GALNTL6: variants seen among roughly 807,000 people sequenced by gnomAD.
GALNTL6 encodes the protein polypeptide N-acetylgalactosaminyltransferase like 6, also known as polypeptide N-acetylgalactosaminyltransferase-like 6.
In GALNTL6, 46 loss-of-function variants were observed where a neutral mutation model predicts 73.7. The observed-to-expected ratio is 0.62, with a 90% confidence interval of 0.49 to 0.80. GALNTL6 has a LOEUF of 0.80. Among genes scored for constraint, GALNTL6 ranks in the 30% least tolerant of loss-of-function variants. The probability of loss-of-function intolerance (pLI) is 0.00; values close to 1 mark genes in which losing one functional copy is unlikely to be tolerated. For synonymous variants in GALNTL6, 259 were observed against 263.7 expected (o/e 0.98, Z 0.17); for missense variants, 604 against 755.0 (o/e 0.80, Z 2.34).
chr4:172,978,218 G>C (rs374738411), intron 10 of GALNTL6, among the ~76,000 whole-genome samples: 33 of 152,262 alleles, frequency 2.2e-4, no homozygotes, highest in African/African-American at 7.5e-4. Flanking sequence ...ACTGGATATA[G>C]CTTTGCTTGA....
intron 8 of GALNTL6, among the ~76,000 whole-genome samples, chr4:172,930,523 A>G (rs1748277485): frequency 6.6e-6 from 1 of 152,222 alleles, no homozygotes; most frequent in African/African-American, 2.4e-5. Context: ...ATTTCTTCAA[A>G]TGATTTTACA....
At chr4:172,084,422 A>G (rs1731967765) in intron 2 of GALNTL6, among the ~76,000 whole-genome samples, 2 of 152,200 alleles carry the variant, frequency 1.3e-5, no homozygotes, top group South Asian at 2.1e-4. Context: ...AACGATGACC[A>G]TATTATGACC....
At chr4:172,561,775 T>G (rs898392249) in intron 5 of GALNTL6, among the ~76,000 whole-genome samples, 6 of 152,190 alleles carry the variant, frequency 3.9e-5, no homozygotes, top group African/African-American at 1.4e-4. Context: ...CACAATCTCT[T>G]GAGGTGAGAC....
intron 2 of GALNTL6, among the ~76,000 whole-genome samples, chr4:172,075,922 G>A (rs1371087739): frequency 6.6e-6 from 1 of 152,172 alleles, no homozygotes; most frequent in Non-Finnish European, 1.5e-5. Flanking sequence ...CCTTAAATTT[G>A]TGAGATAGTT....
At chr4:172,951,874 C>A (rs1453272651) in intron 9 of GALNTL6, among the ~76,000 whole-genome samples, 163 bp from the exon 10 acceptor site, 1 of 152,212 alleles carries the variant, frequency 6.6e-6, no homozygotes, top group Non-Finnish European at 1.5e-5. Flanking sequence ...TTATATCATA[C>A]CCCTTGCTGT....
chr4:172,081,023 A>T (rs56384225), intron 2 of GALNTL6, among the ~76,000 whole-genome samples: 1 of 152,150 alleles, frequency 6.6e-6, no homozygotes, highest in African/African-American at 2.4e-5. Flanking sequence ...TCCATTTCTC[A>T]TAACCTATTT....
intron 10 of GALNTL6, among the ~76,000 whole-genome samples, chr4:173,002,811 A>G (rs1428952012): frequency 6.6e-6 from 1 of 152,060 alleles, no homozygotes; most frequent in East Asian, 1.9e-4. Flanking sequence ...AAAAAAAAAA[A>G]AAGAATATTG....
chr4:172,665,837 C>T (rs1176109545), intron 5 of GALNTL6, among the ~76,000 whole-genome samples: 1 of 152,068 alleles, frequency 6.6e-6, no homozygotes, highest in Non-Finnish European at 1.5e-5. Flanking sequence ...TATTTTTTTA[C>T]AAACATTTGA....
intron 2 of GALNTL6, among the ~76,000 whole-genome samples, chr4:172,076,278 C>T (rs1363702841): frequency 6.6e-6 from 1 of 152,058 alleles, no homozygotes; most frequent in Non-Finnish European, 1.5e-5. Context: ...TCTCTTTTCA[C>T]AGAATGCAAT....
chr4:171,860,465 C>T (rs1045308796), intron 2 of GALNTL6, among the ~76,000 whole-genome samples: 2 of 152,140 alleles, frequency 1.3e-5, no homozygotes, highest in Non-Finnish European at 2.9e-5. Flanking sequence ...ACCCTGACAA[C>T]CTGGCTTTAA....
chr4:172,969,562 A>T (rs1193615878), intron 10 of GALNTL6, among the ~76,000 whole-genome samples: 2 of 152,252 alleles, frequency 1.3e-5, no homozygotes, highest in African/African-American at 2.4e-5. Context: ...CAAGAAAAAA[A>T]ATAGCATCCA....
chr4:172,660,725 T>G (rs1360941236), intron 5 of GALNTL6, among the ~76,000 whole-genome samples: 4 of 152,124 alleles, frequency 2.6e-5, no homozygotes, highest in Non-Finnish European at 5.9e-5. Context: ...TTTGCTCAAG[T>G]ATGTCGTCAG....
chr4:172,836,257 G>A lies in GALNTL6; in HGVS notation c.923+22534G>A, dbSNP rs570431678. Among the ~76,000 whole-genome samples, 3 of 152,336 alleles carry A rather than the reference G, an allele frequency of 2.0e-5. No individual in the cohort carries two copies. In the South Asian group the frequency reaches 6.2e-4, roughly 32 times the overall value. ...AAACACCTGAAATGTATGTTACTGTGATAAGTTTTCCCACCTGAAGAAAAC... is the reference window on the plus strand; with the variant it reads ...AAACACCTGAAATGTATGTTACTGTAATAAGTTTTCCCACCTGAAGAAAAC... On this transcript the variant is annotated intron_variant, in intron 7 of 12. Coordinates refer to ENST00000506823, the MANE Select transcript of GALNTL6 (RefSeq NM_001034845.3).
chr4:173,009,023 T>G (rs565453544), intron 10 of GALNTL6, among the ~76,000 whole-genome samples, 155 bp from the exon 11 acceptor site: 1 of 152,262 alleles, frequency 6.6e-6, no homozygotes, highest in African/African-American at 2.4e-5. Flanking sequence ...TCCTTGATTT[T>G]TCTCCATAAA....
intron 5 of GALNTL6, among the ~76,000 whole-genome samples, chr4:172,713,380 G>A (rs34809089): frequency 0.32 from 47,756 of 151,574 alleles, 8,182 homozygotes; most frequent in Middle Eastern, 0.47. Flanking sequence ...TGAAAGAGCC[G>A]ATGTTGTGGT....
chr4:172,079,434 T>G (rs572763265), intron 2 of GALNTL6, among the ~76,000 whole-genome samples: 2 of 152,116 alleles, frequency 1.3e-5, no homozygotes, highest in Non-Finnish European at 2.9e-5. Context: ...CTTTGATTAA[T>G]TGACTATTTT....
chr4:172,032,511 A>C (rs1364354242), intron 2 of GALNTL6, among the ~76,000 whole-genome samples: 1 of 152,106 alleles, frequency 6.6e-6, no homozygotes, highest in Admixed American at 6.6e-5. Context: ...TGATGGTTGA[A>C]TATCAGTAGA....
intron 10 of GALNTL6, among the ~76,000 whole-genome samples, chr4:173,007,960 C>G (rs7683482): frequency 0.013 from 1,946 of 152,284 alleles, 37 homozygotes; most frequent in African/African-American, 0.045. Flanking sequence ...AAAGAATTAT[C>G]CTTTTTTCCA....
chr4:172,121,233 C>T (rs1733141014), intron 2 of GALNTL6, among the ~76,000 whole-genome samples: 1 of 148,722 alleles, frequency 6.7e-6, no homozygotes, highest in African/African-American at 2.5e-5. Flanking sequence ...CAGGCAGTTG[C>T]TTGGCAGATG....
Sources: allele counts gnomAD v4.1 joint callset (sites outside exome capture counted in the v4.1 genomes callset), GRCh38; gene constraint gnomAD v4.1.1; transcripts MANE v1.5; gene names NCBI Gene and HGNC (gene_info 2026-07-23, HGNC 2026-07-21).